TPSD1: variants seen among roughly 807,000 people sequenced by gnomAD.
TPSD1 encodes the protein tryptase delta.
TPSD1 carries 30 observed loss-of-function variants against 25.4 expected under a neutral mutation model. The ratio of observed to expected loss-of-function variants is 1.18; its 90% CI spans 0.88 to 1.60. The LOEUF is 1.60. TPSD1 is among the 40% of genes most tolerant of loss of function. The probability of loss-of-function intolerance (pLI) is 0.00; values close to 1 mark genes in which losing one functional copy is unlikely to be tolerated. For synonymous variants in TPSD1, 176 were observed against 149.4 expected (o/e 1.18, Z -1.30); for missense variants, 420 against 324.2 (o/e 1.30, Z -2.27).
Position 1,256,973 on chromosome 16 carries a change from T to C in TPSD1, c.431T>C (p.Ile144Thr), listed in dbSNP as rs760914218. The part of the protein sequence containing the change: ...LEEPVNISSH[I>T]HTVTLPPASE... ...GAGCCCGTGAACATCTCCAGCCACA[T>C]CCACACGGTCACGCTGCCCCCTGCC... Residue 144 changes from isoleucine to threonine, a missense_variant, in exon 3 of 5, where the codon ATC becomes ACC. Physicochemically the swap from Ile to Thr is moderately conservative, Grantham distance 89 (BLOSUM62 -1). Coordinates refer to ENST00000211076, the MANE Select transcript of TPSD1 (RefSeq NM_012217.3). 1 of 1,613,770 alleles carries C rather than the reference T, an allele frequency of 6.2e-7. No homozygotes were observed. The highest frequency in any genetic ancestry group is 1.7e-5 in the Admixed American group (1 of 59,984).
At chr16:1,257,183 A>G (rs909426511) in intron 3 of TPSD1, 121 bp downstream of exon 3, 1 of 1,363,208 alleles carries the variant, frequency 7.3e-7, no homozygotes, top group East Asian at 2.5e-5. Flanking sequence ...GGAGGCCAGG[A>G]TGGATGGAGC....
chr16:1,258,148 C>T lies in TPSD1; in HGVS notation c.610C>T (p.His204Tyr), dbSNP rs2031016284. The change falls in exon 4 of 5, where the codon CAT (histidine) becomes TAT (tyrosine). Residue 204 changes from histidine (H) to tyrosine (Y), a missense_variant. Transcript: ENST00000211076. The part of the protein sequence containing the change: ...LCNAEYHTGL[H>Y]TGHSFQIVRD... Reference sequence around the variant, plus strand: ...CAACGCGGAATATCACACCGGCCTCCATACGGGCCACAGCTTTCAAATCGT... The same window carrying T: ...CAACGCGGAATATCACACCGGCCTCTATACGGGCCACAGCTTTCAAATCGT... 1 of 1,612,150 alleles carries T rather than the reference C, an allele frequency of 6.2e-7. No individual in the cohort carries two copies. Among genetic ancestry groups the T allele is most frequent in the Non-Finnish European group, 8.5e-7 (1 of 1,179,592 alleles).
intron 2 of TPSD1, 29 bp downstream of exon 2, chr16:1,256,716 G>C: frequency 6.2e-7 from 1 of 1,611,562 alleles, no homozygotes; most frequent in Non-Finnish European, 8.5e-7. Context: ...GGAGGGGTGG[G>C]CAAGGGCTGG....
At position 1,257,895 on chromosome 16, in the gene TPSD1, C is replaced by T. The variant is rs547987534; in HGVS notation, c.521-164C>T. 3.4e-4 allele frequency: 248 copies of T among 736,562 alleles called. No homozygotes were observed. In the African/African-American group the frequency reaches 3.8e-3, roughly 11 times the overall value. The allele number at this position is 736,562 out of a possible 1,614,324, so 45.6% of individuals were successfully genotyped here. On this transcript the variant is annotated intron_variant, in intron 3 of 4. Transcript: ENST00000211076. ...GCCAGGGACCCAGGACCAGCCTCAGCGGAGGGGCCTGGACTGCATTCACCG... is the reference window on the plus strand; with the variant it reads ...GCCAGGGACCCAGGACCAGCCTCAGTGGAGGGGCCTGGACTGCATTCACCG...
intron 4 of TPSD1, 48 bp from the exon 5 acceptor site, chr16:1,258,284 C>T (rs200995228): frequency 1.2e-6 from 2 of 1,611,874 alleles, no homozygotes; most frequent in African/African-American, 2.7e-5. Flanking sequence ...ATCCCTCATC[C>T]TGACCCCCGA....
chr16:1,257,523 C>T (rs567952795), intron 3 of TPSD1: 15 of 237,916 alleles, frequency 6.3e-5, no homozygotes, highest in East Asian at 4.9e-4. Context: ...TGGCCCTCCA[C>T]GAGGCACATT....
intron 3 of TPSD1, chr16:1,257,399 G>A: frequency 2.4e-6 from 1 of 422,510 alleles, no homozygotes; most frequent in Middle Eastern, 6.3e-4. Context: ...TGGAAGGAGA[G>A]AGACCGGTGC....
chr16:1,258,588 C>G lies in TPSD1; in HGVS notation c.*212C>G. The G allele has an allele frequency of 2.3e-5, 34 of 1,451,770 alleles. No individual in the cohort carries two copies. The highest frequency in any genetic ancestry group is 3.0e-5 in the Non-Finnish European group (32 of 1,064,058). The allele number at this position is 1,451,770 out of a possible 1,614,324, so 89.9% of individuals were successfully genotyped here. The stretch of plus-strand genomic sequence containing the variant: ...TCCTACCCAGGTGGTGACTGCCCCC[C>G]ACACCTTCCCCCATCCTGAGTCCCC... On this transcript the variant is annotated 3_prime_UTR_variant, in exon 5 of 5. Transcript: ENST00000211076.
intron 3 of TPSD1, chr16:1,257,307 T>C: frequency 1.7e-6 from 1 of 576,582 alleles, no homozygotes; most frequent in Non-Finnish European, 3.0e-6. Context: ...TGCCTCGGTT[T>C]CCCCTTGCCT....
At position 1,258,388 on chromosome 16, in the gene TPSD1, C is replaced by T. The variant is rs765152169; in HGVS notation, c.*12C>T. 243 of 1,611,250 alleles carry T rather than the reference C, an allele frequency of 1.5e-4. No individual in the cohort carries two copies. Among genetic ancestry groups the T allele is most frequent in the Non-Finnish European group, 1.9e-4 (229 of 1,179,900 alleles). On this transcript the variant is annotated 3_prime_UTR_variant, in exon 5 of 5. Transcript: ENST00000211076. Reference sequence around the variant, plus strand: ...TGAATGGCACCTAACTGCAGGCGGGCGTGGTCAGCTGGGAGGAGAGCTGTG... The same window carrying T: ...TGAATGGCACCTAACTGCAGGCGGGTGTGGTCAGCTGGGAGGAGAGCTGTG...
At position 1,256,294 on chromosome 16, in the gene TPSD1, C is replaced by G. The variant is rs376433952; in HGVS notation, c.14C>G (p.Ala5Gly). 7.9e-5 allele frequency: 127 copies of G among 1,613,530 alleles called. No homozygotes were observed. The highest frequency in any genetic ancestry group is 1.0e-4 in the Non-Finnish European group (120 of 1,179,764). The change falls in exon 1 of 5, where the codon GCT (alanine) becomes GGT (glycine). Residue 5 changes from alanine (A) to glycine (G), a missense_variant. Coordinates refer to ENST00000211076, the MANE Select transcript of TPSD1 (RefSeq NM_012217.3). ...GCCAGGCCCACGATGCTCCTCCTTG[C>G]TCCCCAGATGCTGAGCCTGCTGCTG... MLLL[A>G]PQMLSLLLLA...
Position 1,256,334 on chromosome 16 carries a change from C to G in TPSD1, c.54C>G (p.Val18=). 6.2e-7 allele frequency: 1 copy of G among 1,613,416 alleles called. No individual in the cohort carries two copies. The highest frequency in any genetic ancestry group is 1.1e-5 in the South Asian group (1 of 91,062). Residue 18 remains valine (V), a synonymous_variant, in exon 1 of 5, where the codon GTC becomes GTG. Transcript: ENST00000211076. ...GCCTGCTGCTGCTGGCGCTGCCCGT[C>G]CTGGCGAGCCCGGCCTACGTGGCCC... ...MLSLLLLALP[V]LASPAYVAPA...
chr16:1,257,495 G>C, intron 3 of TPSD1: 1 of 256,892 alleles, frequency 3.9e-6, no homozygotes, highest in Non-Finnish European at 7.4e-6. Context: ...GCTGTGGGGG[G>C]CTGGACGAAG....
intron 3 of TPSD1, 77 bp from the exon 4 acceptor site, chr16:1,257,982 C>G (rs1401892246): frequency 1.4e-6 from 2 of 1,469,934 alleles, no homozygotes; most frequent in Non-Finnish European, 1.8e-6. Context: ...CTCCCCTGCC[C>G]GTGACTCTGC....
At position 1,256,551 on chromosome 16, in the gene TPSD1, G is replaced by C; in HGVS notation, c.118G>C (p.Gly40Arg). ...GQALQQTGIVGGQEAPRSKWP... is the reference protein window; with the variant it reads ...GQALQQTGIVRGQEAPRSKWP... The stretch of plus-strand genomic sequence containing the variant: ...GGCCCTGCAGCAAACGGGCATTGTT[G>C]GGGGGCAGGAGGCCCCCAGGAGCAA... The change falls in exon 2 of 5, where the codon GGG becomes CGG. Residue 40 changes from glycine to arginine, a missense_variant. Transcript: ENST00000211076. 1 of 1,599,138 alleles carries C rather than the reference G, an allele frequency of 6.3e-7. No individual in the cohort carries two copies. Among genetic ancestry groups the C allele is most frequent in the South Asian group, 1.1e-5 (1 of 90,730 alleles).
Position 1,258,311 on chromosome 16 carries a change from ACTGACCT to A in TPSD1, c.685-13_685-7del. ...GACCCCCGAAGCCTGGCCAGCGAGC[ACTGACCT>A]CTGACCTTCCCAGGGTGACTCTGGA... On this transcript the variant is annotated splice_polypyrimidine_tract_variant and intron_variant, in intron 4 of 4. Coordinates refer to ENST00000211076, the MANE Select transcript of TPSD1 (RefSeq NM_012217.3). 2 of 1,603,374 alleles carry A rather than the reference ACTGACCT, an allele frequency of 1.2e-6. No homozygotes were observed. Among genetic ancestry groups the A allele is most frequent in the Non-Finnish European group, 1.7e-6 (2 of 1,179,618 alleles).
In TPSD1 at chr16:1,258,198, G is replaced by A; in HGVS notation, c.660G>A (p.Gly220=). Residue 220 remains glycine (G), a synonymous_variant, in exon 4 of 5, where the codon GGG becomes GGA. Transcript: ENST00000211076. ...QIVRDDMLCA[G]SENHDSCQGD... The stretch of plus-strand genomic sequence containing the variant: ...TCCGCGATGACATGCTGTGTGCGGG[G>A]AGCGAAAATCACGACTCCTGCCAGG... 2 of 1,612,270 alleles carry A rather than the reference G, an allele frequency of 1.2e-6. No individual in the cohort carries two copies. Among genetic ancestry groups the A allele is most frequent in the South Asian group, 1.1e-5 (1 of 91,074 alleles).
At position 1,257,801 on chromosome 16, in the gene TPSD1, G is replaced by A. The variant is rs1312642720; in HGVS notation, c.521-258G>A. 21 of 568,372 alleles carry A rather than the reference G, an allele frequency of 3.7e-5. No individual in the cohort carries two copies. The Admixed American group carries it at 5.2e-4, about 14-fold the overall frequency. The allele number at this position is 568,372 out of a possible 1,614,324, so 35.2% of individuals were successfully genotyped here. A position where few individuals can be genotyped will look rare whatever the true frequency, so the allele number is the denominator to read the frequency against. Reference sequence around the variant, plus strand: ...GACACGGGTCGGGCTCTGCACCCCCGTGCCATGGAGCCCAGCTTGGCAACC... The same window carrying A: ...GACACGGGTCGGGCTCTGCACCCCCATGCCATGGAGCCCAGCTTGGCAACC... On this transcript the variant is annotated intron_variant, in intron 3 of 4. Transcript: ENST00000211076.
Position 1,256,339 on chromosome 16 carries a change from C to A in TPSD1, c.59C>A (p.Ala20Glu), listed in dbSNP as rs370901168. 1 of 1,613,212 alleles carries A rather than the reference C, an allele frequency of 6.2e-7. No homozygotes were observed. Among genetic ancestry groups the A allele is most frequent in the South Asian group, 1.1e-5 (1 of 91,060 alleles). ...CTGCTGCTGGCGCTGCCCGTCCTGG[C>A]GAGCCCGGCCTACGTGGCCCCTGGT... ...SLLLLALPVLASPAYVAPAPG... is the reference protein window; with the variant it reads ...SLLLLALPVLESPAYVAPAPG... Residue 20 changes from alanine (A) to glutamate (E), a missense_variant, in exon 1 of 5, where the codon GCG becomes GAG. Physicochemically the swap from Ala to Glu is moderately radical, Grantham distance 107. Transcript: ENST00000211076.
Sources: gnomAD v4.1 joint callset for allele counts on GRCh38, gnomAD v4.1.1 for gene constraint, MANE v1.5 for transcripts, NCBI Gene and HGNC (gene_info 2026-07-23, HGNC 2026-07-21) for gene names.